Variants in CALD1 observed in about 807,000 individuals in gnomAD.
CALD1 encodes caldesmon 1, also known as caldesmon.
Under a neutral mutation model 99.9 loss-of-function variants are expected in CALD1, and 33 were observed. That is an observed-to-expected ratio of 0.33 (90% CI 0.25 to 0.44). The LOEUF (loss-of-function observed/expected upper bound fraction) is 0.44. Ranked by LOEUF, CALD1 falls within the 20% of genes least tolerant of loss-of-function variation. The pLI is 1.00. For missense variants in CALD1, 861 were observed against 962.1 expected (o/e 0.89, Z 1.39); for synonymous variants, 310 against 325.0 (o/e 0.95, Z 0.50).
upstream of CALD1, among the ~76,000 whole-genome samples, chr7:134,777,454 GCAGGTCCCTGCCGTGTTTC>G (rs1796927562): frequency 6.6e-6 from 1 of 152,132 alleles, no homozygotes; most frequent in South Asian, 2.1e-4. Context: ...CAGGCAAAAT[GCAGGTCCCTGCCGTGTTTC>G]CTGTTGATAA....
In CALD1 at chr7:134,747,635, AG is replaced by A. The variant is rs1458090070; in HGVS notation, c.-130+3276del. On this transcript the variant is annotated intron_variant, in intron 1 of 13. Transcript: ENST00000417172. ...TCGCTGCCCAGAGCAGCCTTATATCAGGGGCTCTACTCCCTGCACTCCATGC... is the reference window on the plus strand; with the variant it reads ...TCGCTGCCCAGAGCAGCCTTATATCAGGGCTCTACTCCCTGCACTCCATGC... Among the ~76,000 whole-genome samples the A allele has an allele frequency of 2.6e-5, 4 of 152,190 alleles. No homozygotes were observed. The East Asian group carries it at 7.7e-4, about 29-fold the overall frequency.
chr7:134,871,092 C>T (rs1489018941), intron 3 of CALD1, among the ~76,000 whole-genome samples: 2 of 152,102 alleles, frequency 1.3e-5, no homozygotes, highest in African/African-American at 4.8e-5. Context: ...TTGGCTTCCT[C>T]CTCTAAAATA....
intron 2 of CALD1, among the ~76,000 whole-genome samples, chr7:134,854,022 T>A (rs978075219): frequency 6.6e-6 from 1 of 152,192 alleles, no homozygotes; most frequent in South Asian, 2.1e-4. Flanking sequence ...TTCATCAATG[T>A]CCCTGCAGAG....
intron 2 of CALD1, among the ~76,000 whole-genome samples, chr7:134,865,259 A>C (rs1800751988): frequency 6.6e-6 from 1 of 152,108 alleles, no homozygotes; most frequent in Non-Finnish European, 1.5e-5. Context: ...TCTGTGATAT[A>C]AGGGTGCAGG....
At chr7:134,887,009 A>C (rs942127465) in intron 3 of CALD1, among the ~76,000 whole-genome samples, 1 of 152,254 alleles carries the variant, frequency 6.6e-6, no homozygotes, top group Admixed American at 6.5e-5. Context: ...ATAAAACTAC[A>C]TGCTCACCAT....
At chr7:134,890,432 A>C (rs1269110861) in intron 3 of CALD1, among the ~76,000 whole-genome samples, 1 of 152,172 alleles carries the variant, frequency 6.6e-6, no homozygotes, top group African/African-American at 2.4e-5. Flanking sequence ...GATCTCTTTC[A>C]TTCCGTGAAA....
chr7:134,851,274 G>A (rs1800069924), intron 2 of CALD1, among the ~76,000 whole-genome samples: 2 of 152,046 alleles, frequency 1.3e-5, no homozygotes, highest in South Asian at 4.2e-4. Flanking sequence ...CATAATACAC[G>A]AACACTGCAA....
intron 1 of CALD1, among the ~76,000 whole-genome samples, chr7:134,762,516 GA>G: frequency 6.6e-6 from 1 of 152,162 alleles, no homozygotes; most frequent in Non-Finnish European, 1.5e-5. Context: ...AATTTATAAA[GA>G]AAAGAGGTTT....
At chr7:134,760,329 G>A (rs2131593000) in intron 1 of CALD1, among the ~76,000 whole-genome samples, 1 of 152,344 alleles carries the variant, frequency 6.6e-6, no homozygotes, top group Non-Finnish European at 1.5e-5. Flanking sequence ...GAGAGGCAGA[G>A]CAGGCAGGGA....
chr7:134,824,576 C>G (rs1041937490), intron 1 of CALD1, among the ~76,000 whole-genome samples: 3 of 152,112 alleles, frequency 2.0e-5, no homozygotes, highest in African/African-American at 7.2e-5. Flanking sequence ...CCACCTCTAT[C>G]TGATGCTTGA....
At chr7:134,887,048 C>T (rs1801888270) in intron 3 of CALD1, among the ~76,000 whole-genome samples, 2 of 152,296 alleles carry the variant, frequency 1.3e-5, no homozygotes, top group South Asian at 4.1e-4. Context: ...GTGTCACAAC[C>T]CAAGCCCCTA....
At chr7:134,967,656 G>A (rs768054331) in intron 14 of CALD1, among the ~76,000 whole-genome samples, 5 of 152,048 alleles carry the variant, frequency 3.3e-5, no homozygotes, top group Non-Finnish European at 7.4e-5. Flanking sequence ...CTATTCAGTC[G>A]CATGTGCCTG....
At chr7:134,771,749 C>T (rs1416699207) in intron 1 of CALD1, among the ~76,000 whole-genome samples, 1 of 152,166 alleles carries the variant, frequency 6.6e-6, no homozygotes, top group Admixed American at 6.5e-5. Flanking sequence ...CTCCCCAAGT[C>T]CCCCTGGGCT....
At chr7:134,774,470 C>T (rs1796901743) in intron 1 of CALD1, among the ~76,000 whole-genome samples, 1 of 152,166 alleles carries the variant, frequency 6.6e-6, no homozygotes, top group Admixed American at 6.5e-5. Context: ...ACTGCTTCAC[C>T]TGGTTCCTCT....
chr7:134,934,418 T>C (rs1805793750), intron 5 of CALD1, among the ~76,000 whole-genome samples: 1 of 152,182 alleles, frequency 6.6e-6, no homozygotes, highest in South Asian at 2.1e-4. Context: ...GATTCTGTGC[T>C]TGCATCTAAA....
At chr7:134,726,876 C>T in the CALD1 span, among the ~76,000 whole-genome samples, 6 of 152,332 alleles carry the variant, frequency 3.9e-5, no homozygotes, top group East Asian at 3.9e-4. Context: ...TAATGCTGGA[C>T]GTCACAGCTC....
chr7:134,821,534 T>A (rs12673400), intron 1 of CALD1, among the ~76,000 whole-genome samples: 52,077 of 151,492 alleles, frequency 0.34, 9,844 homozygotes, highest in East Asian at 0.67. Flanking sequence ...TGATTTTTTT[T>A]AATGTTCTTT....
chr7:134,939,644 A>G (rs1184303655), intron 6 of CALD1, among the ~76,000 whole-genome samples: 2 of 152,206 alleles, frequency 1.3e-5, no homozygotes, highest in Non-Finnish European at 2.9e-5. Context: ...AATAAAGAGC[A>G]AAAAACTGTG....
chr7:134,839,465 C>T lies in CALD1; in HGVS notation c.-129-4419C>T, dbSNP rs1156338235. ...CTGGGTCACAGGGTATACAAATATT[C>T]AGCTTTAGCACATGCTGCCAAATCT... is the stretch of plus-strand genomic sequence containing the variant. On this transcript the variant is annotated intron_variant, in intron 1 of 14. Coordinates refer to ENST00000361675, the MANE Select transcript of CALD1 (RefSeq NM_033138.4). 2.6e-5 allele frequency among the ~76,000 whole-genome samples: 4 copies of T among 152,180 alleles called. No homozygotes were observed. In the South Asian group the frequency reaches 8.3e-4, roughly 32 times the overall value.
Sources: gnomAD v4.1 joint callset for allele counts (sites outside exome capture counted in the v4.1 genomes callset) on GRCh38, gnomAD v4.1.1 for gene constraint, MANE v1.5 for transcripts, NCBI Gene and HGNC (gene_info 2026-07-23, HGNC 2026-07-21) for gene names.